The following CDK12 variants were observed in gnomAD, a reference collection of about 807,000 sequenced individuals.
The protein encoded by CDK12 is cyclin-dependent kinase 12.
CDK12 carries 17 observed loss-of-function variants against 133.8 expected under a neutral mutation model. The observed-to-expected ratio is 0.13, with a 90% CI of 0.09 to 0.19. The LOEUF (loss-of-function observed/expected upper bound fraction) is 0.19. CDK12 is among the 10% of genes least tolerant of loss of function. The probability of loss-of-function intolerance (pLI) is 1.00; values close to 1 mark genes in which losing one functional copy is unlikely to be tolerated. For missense variants in CDK12, 1,508 were observed against 1,818.7 expected (o/e 0.83, Z 3.11); for synonymous variants, 694 against 683.6 (o/e 1.02, Z -0.24).
At chr17:39,563,565 A>G (rs1027085254) in intron 3 of CDK12, among the ~76,000 whole-genome samples, 4 of 138,020 alleles carry the variant, frequency 2.9e-5, no homozygotes, top group Non-Finnish European at 6.1e-5. Flanking sequence ...CACTCTCCCA[A>G]CTGCTGCCAG....
At chr17:39,489,141 C>CG (rs2051373247) in intron 2 of CDK12, among the ~76,000 whole-genome samples, 2 of 147,930 alleles carry the variant, frequency 1.4e-5, no homozygotes, top group African/African-American at 5.0e-5. Context: ...AGTGCAGTGG[C>CG]GCGATCTCAG....
intron 7 of CDK12, among the ~76,000 whole-genome samples, chr17:39,510,985 G>A (rs1174129331): frequency 1.4e-5 from 2 of 143,334 alleles, no homozygotes; most frequent in East Asian, 4.4e-4. Flanking sequence ...GGAGACCGAG[G>A]TGGGTGGATC....
chr17:39,486,493 C>T (rs113753592), intron 2 of CDK12, among the ~76,000 whole-genome samples: 1,622 of 151,904 alleles, frequency 0.011, 27 homozygotes, highest in African/African-American at 0.037. Flanking sequence ...TCTTGAACTC[C>T]TGGGCTCAAG....
intron 9 of CDK12, among the ~76,000 whole-genome samples, chr17:39,516,254 G>A (rs973166816): frequency 2.6e-5 from 4 of 152,114 alleles, no homozygotes; most frequent in Non-Finnish European, 4.4e-5. Flanking sequence ...ACCTATAATA[G>A]AAAATATGGG....
chr17:39,554,851 G>A (rs891927498), intron 2 of CDK12, among the ~76,000 whole-genome samples: 15 of 142,064 alleles, frequency 1.1e-4, no homozygotes, highest in African/African-American at 3.4e-4. Context: ...GCGCCACTGC[G>A]CTCCAGCCTT....
At chr17:39,554,621 C>A (rs1242867865) in intron 2 of CDK12, among the ~76,000 whole-genome samples, 1 of 152,160 alleles carries the variant, frequency 6.6e-6, no homozygotes, top group African/African-American at 2.4e-5. Flanking sequence ...CAAATCACAC[C>A]TGTAATCCCA....
At chr17:39,527,823 A>T (rs994094473) in intron 13 of CDK12, among the ~76,000 whole-genome samples, 3 of 152,166 alleles carry the variant, frequency 2.0e-5, no homozygotes, top group African/African-American at 7.2e-5. Context: ...CTGGGATTAC[A>T]GGCTTGAGCC....
rs1597890184 is a variant in CDK12 at position 39,461,780 on chromosome 17, G to T, written c.-292G>T. 6 of 453,932 alleles carry T rather than the reference G, an allele frequency of 1.3e-5. No individual in the cohort carries two copies. In the Middle Eastern group the frequency reaches 1.8e-3, roughly 137 times the overall value. 28.1% of individuals were successfully genotyped at this position (453,932 alleles called of 1,614,324 possible). On this transcript the variant is annotated 5_prime_UTR_variant, in exon 1 of 14. Coordinates refer to ENST00000447079, the MANE Select transcript of CDK12 (RefSeq NM_016507.4). ...GACCTCCCCGGCGCCCGGGCCTGAG[G>T]ACTGGCTCGGCGGAGGGAGAAGAGG...
intron 5 of CDK12, among the ~76,000 whole-genome samples, chr17:39,498,836 G>T (rs950063523): frequency 1.3e-5 from 2 of 150,256 alleles, no homozygotes; most frequent in East Asian, 2.0e-4. Flanking sequence ...TAAATTTGTT[G>T]ATTCATTTTT....
intron 2 of CDK12, among the ~76,000 whole-genome samples, chr17:39,485,741 G>A (rs1287710528): frequency 1.3e-5 from 2 of 150,954 alleles, no homozygotes; most frequent in Admixed American, 1.3e-4. Flanking sequence ...AAAAGCAGCT[G>A]TGGTGGTATG....
rs2054972949 is a variant in CDK12, at chr17:39,533,282, T to C, written c.*1966T>C. 3 of 233,080 alleles carry C rather than the reference T, an allele frequency of 1.3e-5. No homozygotes were observed. The East Asian group carries it at 1.8e-4, about 14-fold the overall frequency. The allele number at this position is 233,080 out of a possible 1,614,324, so 14.4% of individuals were successfully genotyped here. A position where few individuals can be genotyped will look rare whatever the true frequency, so the allele number is the denominator to read the frequency against. On this transcript the variant is annotated 3_prime_UTR_variant, in exon 14 of 14. Coordinates refer to ENST00000447079, the MANE Select transcript of CDK12 (RefSeq NM_016507.4). ...CTATTTTGGCATTGATGGCTTTTTA[T>C]ACCAGTGTGTCCAGTTAGATTTACT...
chr17:39,534,052 G>A lies in CDK12; in HGVS notation c.*2736G>A. ...AGATGAGAAATCTGATTCTGTTCAT[G>A]AGTGGGAGGCAAAACTGGTTTGACC... is the stretch of plus-strand genomic sequence containing the variant. On this transcript the variant is annotated 3_prime_UTR_variant, in exon 14 of 14. Transcript: ENST00000447079. 1 of 232,604 alleles carries A rather than the reference G, an allele frequency of 4.3e-6. No homozygotes were observed. Among genetic ancestry groups the A allele is most frequent in the Non-Finnish European group, 8.5e-6 (1 of 117,598 alleles). 14.4% of individuals were successfully genotyped at this position (232,604 alleles called of 1,614,324 possible).
chr17:39,479,764 C>CT (rs1300196467), intron 2 of CDK12, among the ~76,000 whole-genome samples: 2 of 151,602 alleles, frequency 1.3e-5, no homozygotes, highest in Admixed American at 6.6e-5. Context: ...GTAGCTGAGA[C>CT]TATAGGTGCT....
intron 13 of CDK12, among the ~76,000 whole-genome samples, chr17:39,529,081 A>C (rs1231562052): frequency 2.6e-5 from 4 of 152,172 alleles, no homozygotes; most frequent in Non-Finnish European, 4.4e-5. Context: ...TCAACAAATA[A>C]CTTGGGTGGG....
Position 39,497,542 on chromosome 17 carries a change from C to CA in CDK12, c.2419+2862dup, listed in dbSNP as rs111911703. On this transcript the variant is annotated intron_variant, in intron 5 of 13. Transcript: ENST00000447079. ...TGGGCAACAGAGCAAGACTCTGTCTCAAAAAAAAAAAAAATTGTCATCTGG... is the reference window on the plus strand; with the variant it reads ...TGGGCAACAGAGCAAGACTCTGTCTCAAAAAAAAAAAAAAATTGTCATCTGG... Among the ~76,000 whole-genome samples, 1,023 of 115,318 alleles carry CA rather than the reference C, an allele frequency of 8.9e-3. 7 individuals are homozygous for CA. The highest frequency in any genetic ancestry group is 0.015 in the African/African-American group (472 of 30,844). The allele number at this position is 115,318 out of a possible 152,430, so 75.7% of individuals were successfully genotyped here.
intron 2 of CDK12, among the ~76,000 whole-genome samples, chr17:39,481,023 G>T (rs1014658909): frequency 6.6e-6 from 1 of 152,094 alleles, no homozygotes; most frequent in African/African-American, 2.4e-5. Context: ...GGAGGCCGAG[G>T]CCGGCGGATC....
chr17:39,473,436 G>A (rs973637138), intron 2 of CDK12, among the ~76,000 whole-genome samples: 10 of 152,070 alleles, frequency 6.6e-5, no homozygotes, highest in African/African-American at 2.2e-4. Context: ...TTTATAGAAG[G>A]CATTAACAAA....
rs1438117128 is a variant in CDK12, at chr17:39,463,091, G to A, written c.1020G>A (p.Arg340=). ...CCAGCAGCCCTTTCCTGAGCAAGCGGTCTCTGAGTCGGAGTCCACTCCCCA... is the reference window on the plus strand; with the variant it reads ...CCAGCAGCCCTTTCCTGAGCAAGCGATCTCTGAGTCGGAGTCCACTCCCCA... The part of the protein sequence containing the change: ...RRSSSPFLSK[R]SLSRSPLPSR... Residue 340 remains arginine (R), a synonymous_variant, in exon 1 of 14, where the codon CGG becomes CGA. Coordinates refer to ENST00000447079, the MANE Select transcript of CDK12 (RefSeq NM_016507.4). The A allele has an allele frequency of 3.1e-6, 5 of 1,614,148 alleles. No individual in the cohort carries two copies. The highest frequency in any genetic ancestry group is 1.6e-4 in the Middle Eastern group (1 of 6,062).
chr17:39,461,841 T>C lies in CDK12; in HGVS notation c.-231T>C. On this transcript the variant is annotated 5_prime_UTR_variant, in exon 1 of 14. Coordinates refer to ENST00000447079, the MANE Select transcript of CDK12 (RefSeq NM_016507.4). ...GAGCAGCTCCCCGTTGTCTCGCAAC[T>C]CCACTGCCGAGGAACTCTCATTTCT... 1.8e-6 allele frequency: 1 copy of C among 567,540 alleles called. No homozygotes were observed. Among genetic ancestry groups the C allele is most frequent in the Non-Finnish European group, 3.2e-6 (1 of 317,396 alleles). 35.2% of individuals were successfully genotyped at this position (567,540 alleles called of 1,614,324 possible).
Sources: allele counts gnomAD v4.1 joint callset (sites outside exome capture counted in the v4.1 genomes callset), GRCh38; gene constraint gnomAD v4.1.1; transcripts MANE v1.5; gene names NCBI Gene and HGNC (gene_info 2026-07-23, HGNC 2026-07-21).